BNC2: variants seen among roughly 807,000 people sequenced by gnomAD.
The protein encoded by BNC2 is zinc finger protein basonuclin-2.
A neutral mutation model predicts 76.3 loss-of-function variants in BNC2; 20 were observed. The observed-to-expected ratio is 0.26, with a 90% CI of 0.18 to 0.38. The LOEUF (loss-of-function observed/expected upper bound fraction) is 0.38. Among genes scored for constraint, BNC2 ranks in the 10% least tolerant of loss-of-function variants. BNC2 has a pLI of 1.00. For synonymous variants in BNC2, 582 were observed against 514.8 expected (o/e 1.13, Z -1.77); for missense variants, 1,382 against 1,399.8 (o/e 0.99, Z 0.20).
chr9:16,725,217 T>TCTCACACACACACA (rs1554717037), intron 3 of BNC2, among the ~76,000 whole-genome samples: 1 of 148,162 alleles, frequency 6.7e-6, no homozygotes, highest in African/African-American at 2.6e-5. Flanking sequence ...TCTCTCTCTC[T>TCTCACACACACACA]CACACACACA....
chr9:16,845,203 T>C (rs897039904), intron 1 of BNC2, among the ~76,000 whole-genome samples: 2 of 152,216 alleles, frequency 1.3e-5, no homozygotes, highest in Admixed American at 6.5e-5. Context: ...ATTTCTATCA[T>C]GTTATTCTTA....
At chr9:16,580,126 T>C (rs1183661880) in intron 4 of BNC2, 9 of 398,374 alleles carry the variant, frequency 2.3e-5, no homozygotes, top group African/African-American at 8.2e-5. Flanking sequence ...GCAGAAGTCA[T>C]TGGAGACACG....
intron 5 of BNC2, among the ~76,000 whole-genome samples, chr9:16,530,015 T>C (rs1182773923): frequency 6.6e-6 from 1 of 151,992 alleles, no homozygotes; most frequent in Non-Finnish European, 1.5e-5. Context: ...GCCCAGCTAA[T>C]TTTTGTATTT....
intron 1 of BNC2, among the ~76,000 whole-genome samples, chr9:16,813,486 C>T (rs1023589993): frequency 6.6e-6 from 1 of 151,906 alleles, no homozygotes; most frequent in Non-Finnish European, 1.5e-5. Context: ...AGGATGGACT[C>T]GATCGCCTGA....
chr9:16,703,955 C>T (rs1020233063), intron 3 of BNC2, among the ~76,000 whole-genome samples: 2 of 152,068 alleles, frequency 1.3e-5, no homozygotes, highest in African/African-American at 4.8e-5. Flanking sequence ...AAAATAACAT[C>T]TGAACAGGAA....
At chr9:16,637,729 T>C (rs1821369806) in intron 3 of BNC2, among the ~76,000 whole-genome samples, 1 of 152,286 alleles carries the variant, frequency 6.6e-6, no homozygotes, top group South Asian at 2.1e-4. Context: ...AGGCCTCACC[T>C]GGGTGAGGAG....
chr9:16,844,398 A>G (rs1197290724), intron 1 of BNC2, among the ~76,000 whole-genome samples: 1 of 151,692 alleles, frequency 6.6e-6, no homozygotes, highest in African/African-American at 2.4e-5. Flanking sequence ...TACACACCTT[A>G]AAAAAAATCA....
intron 5 of BNC2, among the ~76,000 whole-genome samples, chr9:16,488,221 G>A (rs1330578673): frequency 1.3e-5 from 2 of 151,964 alleles, no homozygotes; most frequent in African/African-American, 4.8e-5. Context: ...AATTCACAAA[G>A]GATTTTTCTC....
At chr9:16,606,792 A>G (rs1035281199) in intron 3 of BNC2, among the ~76,000 whole-genome samples, 1 of 152,198 alleles carries the variant, frequency 6.6e-6, no homozygotes, top group African/African-American at 2.4e-5. Context: ...ACCTGACTTC[A>G]GGTGATCCAC....
At chr9:16,676,454 C>T (rs1822646118) in intron 3 of BNC2, among the ~76,000 whole-genome samples, 1 of 152,216 alleles carries the variant, frequency 6.6e-6, no homozygotes, top group Admixed American at 6.5e-5. Flanking sequence ...TAGGAACATA[C>T]ATAAACATAA....
intron 3 of BNC2, among the ~76,000 whole-genome samples, chr9:16,705,428 G>C (rs1351575869): frequency 6.6e-6 from 1 of 152,124 alleles, no homozygotes; most frequent in Non-Finnish European, 1.5e-5. Context: ...GCAACACCCT[G>C]CTCTTGAACA....
chr9:16,865,764 A>C (rs976869862), intron 1 of BNC2, among the ~76,000 whole-genome samples: 102 of 152,306 alleles, frequency 6.7e-4, no homozygotes, highest in African/African-American at 2.4e-3. Context: ...TTAAAGAATG[A>C]TATATCTGTA....
chr9:16,563,946 G>A (rs1819089676), intron 4 of BNC2, among the ~76,000 whole-genome samples: 1 of 152,108 alleles, frequency 6.6e-6, no homozygotes, highest in African/African-American at 2.4e-5. Context: ...TCACTGTGAT[G>A]ACAGTTTTTA....
chr9:16,753,874 A>AT (rs35717697), intron 1 of BNC2, among the ~76,000 whole-genome samples: 142,582 of 152,226 alleles, frequency 0.94, 66,861 homozygotes, highest in East Asian at 0.99. Context: ...ACAGTAATCC[A>AT]TACTTTAGAT....
chr9:16,739,135 T>A (rs1010942246), intron 1 of BNC2, among the ~76,000 whole-genome samples: 1 of 151,904 alleles, frequency 6.6e-6, no homozygotes, highest in South Asian at 2.1e-4. Context: ...AAGATGTACA[T>A]AGAAGAACCA....
chr9:16,752,447 G>A (rs769307716), intron 1 of BNC2, among the ~76,000 whole-genome samples: 5 of 152,176 alleles, frequency 3.3e-5, no homozygotes, highest in Non-Finnish European at 7.3e-5. Flanking sequence ...CAGTAGTTAA[G>A]TCAAATGAGA....
chr9:16,704,111 A>C (rs908163089), intron 3 of BNC2, among the ~76,000 whole-genome samples: 1 of 152,208 alleles, frequency 6.6e-6, no homozygotes, highest in Non-Finnish European at 1.5e-5. Context: ...AAAATCAGAC[A>C]CATGAATATT....
At chr9:16,563,012 A>C (rs1368094270) in intron 4 of BNC2, among the ~76,000 whole-genome samples, 1 of 152,328 alleles carries the variant, frequency 6.6e-6, no homozygotes, top group Non-Finnish European at 1.5e-5. Context: ...TGTTTTTATA[A>C]GTTTTCACAA....
In BNC2 at chr9:16,848,440, G is replaced by A. The variant is rs145459281; in HGVS notation, c.3+22206C>T. Among the ~76,000 whole-genome samples the A allele has an allele frequency of 3.9e-5, 6 of 152,252 alleles. No individual in the cohort carries two copies. In the East Asian group the frequency reaches 1.2e-3, roughly 29 times the overall value. On this transcript the variant is annotated intron_variant, in intron 1 of 6. Transcript: ENST00000380672. ...CCTATCCAATGCAAAACAGCTAGAC[G>A]TTATACTCCCACAGGAGTTACAGTA... is the stretch of plus-strand genomic sequence containing the variant.
Sources: gnomAD v4.1 joint callset for allele counts (sites outside exome capture counted in the v4.1 genomes callset) on GRCh38, gnomAD v4.1.1 for gene constraint, MANE v1.5 for transcripts, NCBI Gene and HGNC (gene_info 2026-07-23, HGNC 2026-07-21) for gene names.